The following ADAMTS19 variants were observed in gnomAD, a reference collection of about 807,000 sequenced individuals.
ADAMTS19 encodes the protein ADAM metallopeptidase with thrombospondin type 1 motif 19.
ADAMTS19 carries 93 observed loss-of-function variants against 153.3 expected under a neutral mutation model. That is an observed-to-expected ratio of 0.61 (90% CI 0.51 to 0.72). The LOEUF is 0.72. Among genes scored for constraint, ADAMTS19 ranks in the 30% least tolerant of loss-of-function variants. The pLI is 0.00. For synonymous variants in ADAMTS19, 600 were observed against 556.6 expected (o/e 1.08, Z -1.10); for missense variants, 1,482 against 1,552.1 (o/e 0.95, Z 0.76).
At chr5:129,480,658 A>G (rs1225635659) in intron 2 of ADAMTS19, among the ~76,000 whole-genome samples, 3 of 152,194 alleles carry the variant, frequency 2.0e-5, no homozygotes, top group African/African-American at 7.2e-5. Context: ...ATTATTAGTC[A>G]TTAAGAAAGA....
chr5:129,594,076 C>G (rs1453167174), intron 7 of ADAMTS19, among the ~76,000 whole-genome samples: 1 of 152,098 alleles, frequency 6.6e-6, no homozygotes, highest in Non-Finnish European at 1.5e-5. Flanking sequence ...AACTGTGAAA[C>G]TGTAAACATT....
At chr5:129,529,380 T>C (rs1032637118) in intron 6 of ADAMTS19, among the ~76,000 whole-genome samples, 3 of 152,172 alleles carry the variant, frequency 2.0e-5, no homozygotes, top group African/African-American at 4.8e-5. Context: ...AATGAAATCA[T>C]TGAAATCATT....
At chr5:129,703,849 C>T (rs1174513988) in intron 20 of ADAMTS19, among the ~76,000 whole-genome samples, 1 of 152,058 alleles carries the variant, frequency 6.6e-6, no homozygotes, top group Non-Finnish European at 1.5e-5. Flanking sequence ...ACATGTCTTC[C>T]ATCTAAATAA....
intron 16 of ADAMTS19, among the ~76,000 whole-genome samples, chr5:129,677,979 AT>A (rs1458224417): frequency 6.6e-6 from 1 of 151,790 alleles, no homozygotes; most frequent in Non-Finnish European, 1.5e-5. Context: ...TACCTAGCTA[AT>A]TTTTGTATAT....
At chr5:129,522,332 CATATATATATATATAT>C (rs1209637522) in intron 3 of ADAMTS19, among the ~76,000 whole-genome samples, 52 of 58,620 alleles carry the variant, frequency 8.9e-4, no homozygotes, top group South Asian at 8.2e-3. Context: ...CACACACACA[CATATATATATATATAT>C]ATATATATAT....
At chr5:129,475,872 T>C (rs1383005878) in intron 2 of ADAMTS19, among the ~76,000 whole-genome samples, 1 of 152,210 alleles carries the variant, frequency 6.6e-6, no homozygotes, top group Non-Finnish European at 1.5e-5. Flanking sequence ...GGCCTCTTTA[T>C]ATTTCTATAT....
intron 11 of ADAMTS19, among the ~76,000 whole-genome samples, chr5:129,647,216 A>G (rs930018709): frequency 5.5e-4 from 27 of 49,410 alleles, no homozygotes; most frequent in African/African-American, 2.6e-3. Context: ...TTCTTTCAGA[A>G]AAAAAAAAAA....
chr5:129,600,229 AC>A (rs1361833167), intron 8 of ADAMTS19, among the ~76,000 whole-genome samples: 1 of 152,148 alleles, frequency 6.6e-6, no homozygotes, highest in Non-Finnish European at 1.5e-5. Context: ...ACACACAAAC[AC>A]ATACACGCAG....
chr5:129,660,722 T>C (rs896918449), intron 15 of ADAMTS19, among the ~76,000 whole-genome samples: 3 of 152,200 alleles, frequency 2.0e-5, no homozygotes, highest in African/African-American at 7.2e-5. Flanking sequence ...TAAAAGCATG[T>C]TTATTTGGAA....
At chr5:129,735,563 A>T (rs1757630397) in intron 22 of ADAMTS19, among the ~76,000 whole-genome samples, 1 of 136,596 alleles carries the variant, frequency 7.3e-6, no homozygotes, top group African/African-American at 2.7e-5. Context: ...GAATGGGTGC[A>T]TGGATCTACA....
At chr5:129,727,631 A>G (rs1173938220) in intron 21 of ADAMTS19, among the ~76,000 whole-genome samples, 1 of 152,144 alleles carries the variant, frequency 6.6e-6, no homozygotes, top group Non-Finnish European at 1.5e-5. Flanking sequence ...TTGCCTGTAA[A>G]ACCGTAGACA....
intron 7 of ADAMTS19, among the ~76,000 whole-genome samples, chr5:129,588,629 T>A (rs2126901724): frequency 6.6e-6 from 1 of 151,904 alleles, no homozygotes; most frequent in Admixed American, 6.6e-5. Flanking sequence ...TACTATCAAA[T>A]ACTTCTTATA....
chr5:129,578,601 C>A (rs1749327653), intron 7 of ADAMTS19, among the ~76,000 whole-genome samples: 1 of 151,862 alleles, frequency 6.6e-6, no homozygotes, highest in East Asian at 2.0e-4. Context: ...CCTTAACCCC[C>A]ACCCCTTGAA....
intron 7 of ADAMTS19, among the ~76,000 whole-genome samples, chr5:129,583,622 T>TTTC (rs1367671924): frequency 6.6e-6 from 1 of 151,974 alleles, no homozygotes; most frequent in African/African-American, 2.4e-5. Flanking sequence ...TTCATTCCTT[T>TTTC]TTCTCTAATC....
intron 18 of ADAMTS19, among the ~76,000 whole-genome samples, chr5:129,691,693 A>C (rs974274188): frequency 6.6e-6 from 1 of 152,182 alleles, no homozygotes; most frequent in Admixed American, 6.6e-5. Flanking sequence ...CTTACAATAT[A>C]GGAGTCCTTT....
At chr5:129,601,123 G>A (rs1463169343) in intron 8 of ADAMTS19, among the ~76,000 whole-genome samples, 3 of 151,978 alleles carry the variant, frequency 2.0e-5, no homozygotes, top group East Asian at 1.9e-4. Flanking sequence ...CGCCCGCCTC[G>A]GTCTCCCAAA....
intron 7 of ADAMTS19, among the ~76,000 whole-genome samples, chr5:129,570,848 C>T (rs1458769790): frequency 1.3e-5 from 2 of 151,842 alleles, no homozygotes; most frequent in Non-Finnish European, 1.5e-5. Context: ...GCAGAAAAAG[C>T]TTATGACAAA....
chr5:129,612,906 G>T (rs1165702313), intron 8 of ADAMTS19, among the ~76,000 whole-genome samples: 1 of 152,054 alleles, frequency 6.6e-6, no homozygotes, highest in Non-Finnish European at 1.5e-5. Flanking sequence ...TGATAAAACA[G>T]ACTTTAAACC....
chr5:129,626,847 G>T (rs1354966441), intron 10 of ADAMTS19, among the ~76,000 whole-genome samples: 4 of 152,064 alleles, frequency 2.6e-5, no homozygotes, highest in Admixed American at 2.6e-4. Context: ...TTGTTTAGAA[G>T]AAATATAAAC....
Sources: gnomAD v4.1 joint callset for allele counts (sites outside exome capture counted in the v4.1 genomes callset) on GRCh38, gnomAD v4.1.1 for gene constraint, MANE v1.5 for transcripts, NCBI Gene and HGNC (gene_info 2026-07-23, HGNC 2026-07-21) for gene names.